NELL1: variants seen among roughly 807,000 people sequenced by gnomAD.
NELL1 encodes protein kinase C-binding protein NELL1.
Under a neutral mutation model 107.4 loss-of-function variants are expected in NELL1, and 76 were observed. The ratio of observed to expected loss-of-function variants is 0.71; its 90% CI spans 0.59 to 0.86. The LOEUF (loss-of-function observed/expected upper bound fraction) is 0.86, where lower values mean the gene tolerates loss of function less well. NELL1 is among the 40% of genes least tolerant of loss of function. The pLI is 0.00. For synonymous variants in NELL1, 353 were observed against 341.2 expected (o/e 1.03, Z -0.38); for missense variants, 1,024 against 1,005.5 (o/e 1.02, Z -0.25).
chr11:21,072,155 C>T (rs1854031230), intron 12 of NELL1, among the ~76,000 whole-genome samples: 1 of 152,140 alleles, frequency 6.6e-6, no homozygotes, highest in Non-Finnish European at 1.5e-5. Flanking sequence ...GCAAGCCATT[C>T]AAGTTTCTAA....
chr11:21,312,569 G>T (rs771227482), intron 14 of NELL1, among the ~76,000 whole-genome samples: 1 of 152,038 alleles, frequency 6.6e-6, no homozygotes, highest in Non-Finnish European at 1.5e-5. Flanking sequence ...CATCTTTGAG[G>T]GAGGTATGAG....
At chr11:21,467,322 G>A (rs1476068145) in intron 15 of NELL1, among the ~76,000 whole-genome samples, 1 of 151,992 alleles carries the variant, frequency 6.6e-6, no homozygotes, top group Non-Finnish European at 1.5e-5. Context: ...AGTCAATAAT[G>A]TTTTACCTAG....
At chr11:21,203,911 T>G (rs1378135896) in intron 13 of NELL1, among the ~76,000 whole-genome samples, 2 of 152,190 alleles carry the variant, frequency 1.3e-5, no homozygotes, top group Admixed American at 1.3e-4. Flanking sequence ...TGAAAATTTG[T>G]TTCTCTAAGA....
chr11:21,554,738 A>G (rs566630006), intron 16 of NELL1, among the ~76,000 whole-genome samples: 26 of 152,028 alleles, frequency 1.7e-4, no homozygotes, highest in African/African-American at 5.8e-4. Context: ...ATTTTTCTAC[A>G]TAATGGGACC....
intron 12 of NELL1, among the ~76,000 whole-genome samples, chr11:20,988,315 C>T (rs1444150810): frequency 6.6e-6 from 1 of 151,728 alleles, no homozygotes; most frequent in African/African-American, 2.4e-5. Flanking sequence ...TCCACAAGAC[C>T]TATTACCATC....
intron 4 of NELL1, among the ~76,000 whole-genome samples, chr11:20,872,473 G>C (rs1849220540): frequency 6.6e-6 from 1 of 152,116 alleles, no homozygotes; most frequent in African/African-American, 2.4e-5. Flanking sequence ...GAGCCACATG[G>C]GGCCAGGCTG....
At chr11:21,075,632 A>G (rs1000023587) in intron 12 of NELL1, among the ~76,000 whole-genome samples, 1 of 152,210 alleles carries the variant, frequency 6.6e-6, no homozygotes, top group South Asian at 2.1e-4. Context: ...TTGCAGAGAC[A>G]TGGGGTTCCA....
chr11:21,204,024 T>C (rs2133851814), intron 13 of NELL1, among the ~76,000 whole-genome samples: 1 of 152,282 alleles, frequency 6.6e-6, no homozygotes, highest in Non-Finnish European at 1.5e-5. Context: ...CCGACCTTAC[T>C]CTCTGGCTGC....
chr11:21,277,067 G>T (rs1171968697), intron 14 of NELL1, among the ~76,000 whole-genome samples: 17 of 151,550 alleles, frequency 1.1e-4, no homozygotes, highest in African/African-American at 3.6e-4. Context: ...TTAAACTAAA[G>T]AGCTTCTGCA....
At chr11:20,692,194 G>T (rs1427442078) in intron 2 of NELL1, among the ~76,000 whole-genome samples, 1 of 151,406 alleles carries the variant, frequency 6.6e-6, no homozygotes, top group Non-Finnish European at 1.5e-5. Context: ...TATTAGTCTT[G>T]CTAGCAGTTT....
rs151270259 is a variant in NELL1 at position 20,834,444 on chromosome 11, T to G, written c.336-13139T>G. Among the ~76,000 whole-genome samples the G allele has an allele frequency of 5.6e-3, 856 of 152,220 alleles. 11 individuals are homozygous for G. The highest frequency in any genetic ancestry group is 0.02 in the African/African-American group (818 of 41,508). On this transcript the variant is annotated intron_variant, in intron 3 of 19. Transcript: ENST00000357134. ...GGTAGTTGGTTATGCAAGTAAGCAG[T>G]TCAGAAGACAGGTCTAGACTGGAGA... is the stretch of plus-strand genomic sequence containing the variant.
intron 15 of NELL1, among the ~76,000 whole-genome samples, chr11:21,423,365 T>TA (rs560165237): frequency 6.6e-4 from 100 of 151,570 alleles, no homozygotes; most frequent in African/African-American, 2.2e-3. Flanking sequence ...AGAGACTTCA[T>TA]AAAAAAAATT....
At chr11:20,814,863 T>G (rs1241696504) in intron 3 of NELL1, among the ~76,000 whole-genome samples, 1 of 152,230 alleles carries the variant, frequency 6.6e-6, no homozygotes, top group African/African-American at 2.4e-5. Context: ...TTAGGTTTTT[T>G]GAGAAATCGC....
chr11:21,168,697 T>C lies in NELL1; in HGVS notation c.1426+54983T>C, dbSNP rs562875453. 3.3e-5 allele frequency among the ~76,000 whole-genome samples: 5 copies of C among 152,002 alleles called. 1 individual carries two copies. In the South Asian group the frequency reaches 1.0e-3, roughly 31 times the overall value. Reference sequence around the variant, plus strand: ...AATCCTCCTAAAATCTCTGAGTTACTGATTCAGATTAAACCTATGGCCAGT... The same window carrying C: ...AATCCTCCTAAAATCTCTGAGTTACCGATTCAGATTAAACCTATGGCCAGT... On this transcript the variant is annotated intron_variant, in intron 13 of 19. Coordinates refer to ENST00000357134, the MANE Select transcript of NELL1 (RefSeq NM_006157.5).
intron 13 of NELL1, among the ~76,000 whole-genome samples, chr11:21,130,923 A>ATAGT (rs10643494): frequency 0.72 from 109,092 of 151,456 alleles, 39,572 homozygotes; most frequent in African/African-American, 0.79. Flanking sequence ...GCAACAGGTA[A>ATAGT]TAGACTGGTG....
intron 9 of NELL1, among the ~76,000 whole-genome samples, chr11:20,934,633 C>T (rs150407652): frequency 1.1e-3 from 174 of 152,314 alleles, no homozygotes; most frequent in African/African-American, 4.0e-3. Flanking sequence ...TCTATTTCTT[C>T]GCTTCACAGC....
intron 2 of NELL1, among the ~76,000 whole-genome samples, chr11:20,725,160 G>C (rs968607688): frequency 6.6e-6 from 1 of 152,214 alleles, no homozygotes; most frequent in African/African-American, 2.4e-5. Context: ...TGTTTTTAAA[G>C]ACACCATATG....
intron 12 of NELL1, among the ~76,000 whole-genome samples, chr11:21,095,049 T>A (rs1854608340): frequency 6.6e-6 from 1 of 152,204 alleles, no homozygotes; most frequent in Admixed American, 6.5e-5. Context: ...ACTCAATGCC[T>A]TTAGCAGCAG....
At chr11:20,715,168 C>T (rs1855215193) in intron 2 of NELL1, among the ~76,000 whole-genome samples, 1 of 151,968 alleles carries the variant, frequency 6.6e-6, no homozygotes, top group Admixed American at 6.6e-5. Flanking sequence ...TGGCGTGAAC[C>T]CAGGAGGTGG....
Sources: allele counts gnomAD v4.1 joint callset (sites outside exome capture counted in the v4.1 genomes callset), GRCh38; gene constraint gnomAD v4.1.1; transcripts MANE v1.5; gene names NCBI Gene and HGNC (gene_info 2026-07-23, HGNC 2026-07-21).